KANK3: variants seen among roughly 807,000 people sequenced by gnomAD.
The protein encoded by KANK3 is KN motif and ankyrin repeat domain-containing protein 3.
KANK3 carries 61 observed loss-of-function variants against 65.4 expected under a neutral mutation model. The ratio of observed to expected loss-of-function variants is 0.93; its 90% CI spans 0.76 to 1.15. The LOEUF (loss-of-function observed/expected upper bound fraction) is 1.15. KANK3 is among the 50% of genes most tolerant of loss of function. The probability of loss-of-function intolerance (pLI) is 0.00; values close to 1 mark genes in which losing one functional copy is unlikely to be tolerated. For synonymous variants in KANK3, 586 were observed against 543.3 expected (o/e 1.08, Z -1.09); for missense variants, 1,187 against 1,178.8 (o/e 1.01, Z -0.10).
Position 8,333,036 on chromosome 19 carries a change from G to A in KANK3, c.1914C>T (p.Ile638=), listed in dbSNP as rs371284725. The A allele has an allele frequency of 9.4e-6, 15 of 1,589,808 alleles. No individual in the cohort carries two copies. The highest frequency in any genetic ancestry group is 1.3e-5 in the Non-Finnish European group (15 of 1,168,898). The change falls in exon 7 of 11, where the codon ATC becomes ATT. Residue 638 remains isoleucine (I), a synonymous_variant. Transcript: ENST00000330915. The surrounding 1 kb of genome is among the most constrained non-coding windows in gnomAD (Gnocchi z 5.0). ...HYSVSHGNLA[I]ASLLLDTGAC... is the part of the protein sequence containing the mutation. ...GACCCGTATCCAGGAGCAGGCTTGC[G>A]ATGGCCAGGTTCCCGTGGGACACAC...
chr19:8,323,948 C>T (rs980422951), intron 10 of KANK3, among the ~76,000 whole-genome samples: 2 of 152,156 alleles, frequency 1.3e-5, no homozygotes, highest in African/African-American at 4.8e-5. Flanking sequence ...CTGCCTGATG[C>T]CAAAGGGCTC....
In KANK3 at chr19:8,334,845, C is replaced by G; in HGVS notation, c.982G>C (p.Glu328Gln). 1 of 1,471,906 alleles carries G rather than the reference C, an allele frequency of 6.8e-7. No individual in the cohort carries two copies. The highest frequency in any genetic ancestry group is 1.5e-5 in the African/African-American group (1 of 67,608). 91.2% of individuals were successfully genotyped at this position (1,471,906 alleles called of 1,614,324 possible). ...GCCTCCACGGTCTCGGGGGCAGCCTCCACGCCGGCCTCCCGGGTCTCCGGC... is the reference window on the plus strand; with the variant it reads ...GCCTCCACGGTCTCGGGGGCAGCCTGCACGCCGGCCTCCCGGGTCTCCGGC... ...AVPETREAGV[E>Q]AAPETVEADA... Residue 328 changes from glutamate to glutamine, a missense_variant, in exon 3 of 11, where the codon GAG becomes CAG. Glu to Gln is a conservative substitution (Grantham distance 29, BLOSUM62 2). Transcript: ENST00000330915.
chr19:8,328,387 C>CCA (rs55963090), intron 7 of KANK3, among the ~76,000 whole-genome samples: 4,828 of 145,036 alleles, frequency 0.033, 109 homozygotes, highest in East Asian at 0.058. Flanking sequence ...ACCACCCCCA[C>CCA]CACACACACA....
At chr19:8,339,017 G>T (rs1372939788) in intron 1 of KANK3, among the ~76,000 whole-genome samples, 1 of 151,550 alleles carries the variant, frequency 6.6e-6, no homozygotes, top group Non-Finnish European at 1.5e-5. Flanking sequence ...ACGGATACTT[G>T]TCTCCCTGGA....
At position 8,334,958 on chromosome 19, in the gene KANK3, TC is replaced by T; in HGVS notation, c.868del (p.Glu290ArgfsTer51). On this transcript the variant is annotated frameshift_variant, in exon 3 of 11. Coordinates refer to ENST00000330915, the MANE Select transcript of KANK3 (RefSeq NM_198471.3). LOFTEE classifies it high-confidence loss of function. Reference protein sequence around the residue: ...SEGALQVLDGEVGSLDGTPQT... With the variant: ...SEGALQVLDGXVGSLDGTPQT... Reference sequence around the variant, plus strand: ...GGGCGTCCCATCGAGACTCCCGACCTCCCCGTCGAGGACCTGGAGCGCGCCC... The same window carrying T: ...GGGCGTCCCATCGAGACTCCCGACCTCCCGTCGAGGACCTGGAGCGCGCCC... 1 of 1,492,780 alleles carries T rather than the reference TC, an allele frequency of 6.7e-7. No homozygotes were observed. The highest frequency in any genetic ancestry group is 1.3e-5 in the South Asian group (1 of 79,312). 92.5% of individuals were successfully genotyped at this position (1,492,780 alleles called of 1,614,324 possible). A position where few individuals can be genotyped will look rare whatever the true frequency, so the allele number is the denominator to read the frequency against.
intron 7 of KANK3, 27 bp downstream of exon 7, chr19:8,332,987 T>TTGGGGGGG: frequency 1.3e-5 from 5 of 395,194 alleles, no homozygotes; most frequent in Non-Finnish European, 9.5e-6. Flanking sequence ...TTTCCTGGTG[T>TTGGGGGGG]CCCACCCACC....
At chr19:8,337,482 T>A (rs949764936) in intron 2 of KANK3, among the ~76,000 whole-genome samples, 1 of 152,038 alleles carries the variant, frequency 6.6e-6, no homozygotes, top group Non-Finnish European at 1.5e-5. Flanking sequence ...ATTACAGGCA[T>A]GAGTCACCAC....
At chr19:8,336,240 A>G (rs1970635363) in intron 2 of KANK3, among the ~76,000 whole-genome samples, 1 of 152,172 alleles carries the variant, frequency 6.6e-6, no homozygotes, top group Admixed American at 6.5e-5. Flanking sequence ...GTTCCAGACC[A>G]GCCTGGCCAA....
At position 8,327,901 on chromosome 19, in the gene KANK3, G is replaced by T. The variant is rs193114946; in HGVS notation, c.1937-2805C>A. Among the ~76,000 whole-genome samples the T allele has an allele frequency of 8.5e-5, 13 of 152,286 alleles. No individual in the cohort carries two copies. The East Asian group carries it at 2.3e-3, about 27-fold the overall frequency. ...AGCACCCAGAAATAACCAGAGTGGG[G>T]TCCTTGCAGGCTAGCCAAGGACCCA... On this transcript the variant is annotated intron_variant, in intron 7 of 10. Coordinates refer to ENST00000330915, the MANE Select transcript of KANK3 (RefSeq NM_198471.3).
chr19:8,334,063 T>A lies in KANK3; in HGVS notation c.1481A>T (p.Asn494Ile). ...DASDSDGDSE[N>I]GGAEPPGSSS... is the part of the protein sequence containing the mutation. ...GCTACCCGGGGGCTCGGCGCCACCG[T>A]TCTCGCTGTCGCCATCGCTGTCGCT... Residue 494 changes from asparagine to isoleucine, a missense_variant, in exon 5 of 11, where the codon AAC becomes ATC. Coordinates refer to ENST00000330915, the MANE Select transcript of KANK3 (RefSeq NM_198471.3). 2.6e-6 allele frequency: 4 copies of A among 1,514,884 alleles called. No individual in the cohort carries two copies. Among genetic ancestry groups the A allele is most frequent in the Non-Finnish European group, 3.5e-6 (4 of 1,138,432 alleles). 93.8% of individuals were successfully genotyped at this position (1,514,884 alleles called of 1,614,324 possible).
rs779996094 is a variant in KANK3, at chr19:8,324,401, A to ACTGAATTTGCAG, written c.2382+36_2382+47dup. 8 of 1,519,874 alleles carry ACTGAATTTGCAG rather than the reference A, an allele frequency of 5.3e-6. No individual in the cohort carries two copies. In the South Asian group the frequency reaches 9.6e-5, roughly 18 times the overall value. 94.1% of individuals were successfully genotyped at this position (1,519,874 alleles called of 1,614,324 possible). On this transcript the variant is annotated intron_variant, in intron 10 of 10. Coordinates refer to ENST00000330915, the MANE Select transcript of KANK3 (RefSeq NM_198471.3). ...AGGGCATATTTACTATCCTCTGCAA[A>ACTGAATTTGCAG]CTGAATTTGCAGCTGGGAAAGTTTG... is the stretch of plus-strand genomic sequence containing the variant.
Position 8,335,079 on chromosome 19 carries a change from G to T in KANK3, c.748C>A (p.Leu250Ile). ...TCGGAGGTGGCCAGGCGCTCGGTGAGCCGCCGCAGCTGGGCGAGCTTGTCC... is the reference window on the plus strand; with the variant it reads ...TCGGAGGTGGCCAGGCGCTCGGTGATCCGCCGCAGCTGGGCGAGCTTGTCC... Reference protein sequence around the residue: ...RPDKLAQLRRLTERLATSERG... With the variant: ...RPDKLAQLRRITERLATSERG... Residue 250 changes from leucine (L) to isoleucine (I), a missense_variant, in exon 3 of 11, where the codon CTC (leucine) becomes ATC (isoleucine). Transcript: ENST00000330915. The T allele has an allele frequency of 7.6e-7, 1 of 1,312,350 alleles. No homozygotes were observed. The highest frequency in any genetic ancestry group is 9.7e-7 in the Non-Finnish European group (1 of 1,035,624). The allele number at this position is 1,312,350 out of a possible 1,614,324, so 81.3% of individuals were successfully genotyped here. A position where few individuals can be genotyped will look rare whatever the true frequency, so the allele number is the denominator to read the frequency against.
At chr19:8,332,001 T>C (rs2145425205) in intron 7 of KANK3, among the ~76,000 whole-genome samples, 1 of 138,298 alleles carries the variant, frequency 7.2e-6, no homozygotes, top group African/African-American at 2.7e-5. Context: ...TTTTTTTTTT[T>C]TTTTTTTTGA....
chr19:8,342,948 G>A (rs1045610088), intron 1 of KANK3, among the ~76,000 whole-genome samples: 2 of 152,164 alleles, frequency 1.3e-5, no homozygotes, highest in Admixed American at 1.3e-4. Context: ...TCCCAGGGCC[G>A]GTTGTGGCAT....
chr19:8,335,921 A>C, intron 2 of KANK3, 129 bp from the exon 3 acceptor site: 11 of 618,514 alleles, frequency 1.8e-5, no homozygotes, highest in Non-Finnish European at 2.3e-5. Context: ...TATTAACTCA[A>C]TCGCTTGTTT....
Position 8,325,059 on chromosome 19 carries a change from G to A in KANK3, c.1974C>T (p.Tyr658=), listed in dbSNP as rs770508382. Residue 658 remains tyrosine, a synonymous_variant, in exon 8 of 11, where the codon TAC becomes TAT. Transcript: ENST00000330915. ...CEVNRQNRAG[Y]SALMLAALTS... is the part of the protein sequence containing the mutation. The stretch of plus-strand genomic sequence containing the variant: ...TGAGTGCAGCCAGCATGAGGGCCGA[G>A]TAGCCGGCTCGGTTCTGGCGGTTGA... The A allele has an allele frequency of 7.4e-6, 12 of 1,613,758 alleles. No individual in the cohort carries two copies. Among genetic ancestry groups the A allele is most frequent in the Middle Eastern group, 1.6e-4 (1 of 6,072 alleles).
intron 10 of KANK3, 36 bp downstream of exon 10, chr19:8,324,413 G>A: frequency 6.5e-7 from 1 of 1,540,454 alleles, no homozygotes; most frequent in Non-Finnish European, 8.8e-7. Context: ...TGAATTTGCA[G>A]CTGGGAAAGT....
chr19:8,330,536 C>T (rs889586029), intron 7 of KANK3, among the ~76,000 whole-genome samples: 4 of 151,918 alleles, frequency 2.6e-5, no homozygotes, highest in African/African-American at 9.7e-5. Flanking sequence ...TGAGACCAGC[C>T]TAACCAACAT....
chr19:8,326,800 G>GAAA (rs372665622), intron 7 of KANK3, among the ~76,000 whole-genome samples: 1 of 119,336 alleles, frequency 8.4e-6, no homozygotes, highest in Non-Finnish European at 1.7e-5. Context: ...CCATCTCTCA[G>GAAA]AAAAAAAAAA....
Sources: allele counts gnomAD v4.1 joint callset (sites outside exome capture counted in the v4.1 genomes callset), GRCh38; gene constraint gnomAD v4.1.1; non-coding constraint Gnocchi (gnomAD v3.1); transcripts MANE v1.5; gene names NCBI Gene and HGNC (gene_info 2026-07-23, HGNC 2026-07-21).